Variants in PDE5A observed in about 807,000 individuals in gnomAD.
The protein encoded by PDE5A is cGMP-specific 3',5'-cyclic phosphodiesterase.
Under a neutral mutation model 110.2 loss-of-function variants are expected in PDE5A, and 67 were observed. That is an observed-to-expected ratio of 0.61 (90% CI 0.50 to 0.75). PDE5A has a LOEUF of 0.75. Ranked by LOEUF, PDE5A falls within the 30% of genes least tolerant of loss-of-function variation. The pLI is 0.00. For synonymous variants in PDE5A, 328 were observed against 351.2 expected, an observed-to-expected ratio of 0.93 and a Z score of 0.74; for missense variants, 862 against 1,045.1, an observed-to-expected ratio of 0.82 and a Z score of 2.42.
intron 2 of PDE5A, among the ~76,000 whole-genome samples, chr4:119,599,395 A>G (rs1267471116): frequency 6.6e-6 from 1 of 152,176 alleles, no homozygotes; most frequent in Non-Finnish European, 1.5e-5. Context: ...ACAGATAAGG[A>G]CTTTAAAGCA....
intron 12 of PDE5A, among the ~76,000 whole-genome samples, chr4:119,522,772 T>A (rs1726174645): frequency 1.3e-5 from 2 of 151,716 alleles, no homozygotes; most frequent in African/African-American, 4.8e-5. Context: ...TATGGTCATA[T>A]CTGGTAAGTT....
chr4:119,618,047 T>C (rs1042004916), intron 1 of PDE5A, among the ~76,000 whole-genome samples: 31 of 152,250 alleles, frequency 2.0e-4, no homozygotes, highest in African/African-American at 6.7e-4. Flanking sequence ...TGCATTAATA[T>C]TGACACTGAC....
chr4:119,573,469 C>G (rs118042756), intron 3 of PDE5A, among the ~76,000 whole-genome samples: 2 of 152,156 alleles, frequency 1.3e-5, no homozygotes, highest in Non-Finnish European at 2.9e-5. Context: ...ATTGGCTAAG[C>G]TGGTATCCTC....
chr4:119,504,388 T>C, intron 18 of PDE5A, 148 bp downstream of exon 18: 2 of 582,216 alleles, frequency 3.4e-6, no homozygotes, highest in South Asian at 2.5e-5. Flanking sequence ...ACTTTGCTAT[T>C]ATATAATAAA....
In PDE5A at chr4:119,505,884, C is replaced by G; in HGVS notation, c.2238G>C (p.Leu746Phe). ...FELIRKNQFN[L>F]EDPHQKELFL... is the part of the protein sequence containing the mutation. ...ACAACTCCTTTTGATGAGGATCTTC[C>G]AAATTGAATTGATTTTTTCTTATAA... The change falls in exon 17 of 21, where the codon TTG (leucine) becomes TTC (phenylalanine). Residue 746 changes from leucine (L) to phenylalanine (F), a missense_variant. Physicochemically the swap from Leu to Phe is conservative, Grantham distance 22. Coordinates refer to ENST00000354960, the MANE Select transcript of PDE5A (RefSeq NM_001083.4). 1 of 1,569,710 alleles carries G rather than the reference C, an allele frequency of 6.4e-7. No homozygotes were observed. Among genetic ancestry groups the G allele is most frequent in the Non-Finnish European group, 8.6e-7 (1 of 1,159,054 alleles).
At chr4:119,546,563 T>A (rs1282049943) in intron 9 of PDE5A, among the ~76,000 whole-genome samples, 4 of 152,228 alleles carry the variant, frequency 2.6e-5, no homozygotes, top group South Asian at 2.1e-4. Flanking sequence ...GAAAGGGCAA[T>A]AACCATCAGC....
intron 11 of PDE5A, among the ~76,000 whole-genome samples, chr4:119,528,491 A>G (rs138149400): frequency 5.8e-4 from 89 of 152,250 alleles, no homozygotes; most frequent in African/African-American, 1.9e-3. Flanking sequence ...ATCAACTACC[A>G]TATTTACATT....
At chr4:119,585,773 G>A (rs889523947) in intron 3 of PDE5A, among the ~76,000 whole-genome samples, 1 of 152,108 alleles carries the variant, frequency 6.6e-6, no homozygotes, top group African/African-American at 2.4e-5. Context: ...CAGAACGCCG[G>A]GAAAGTCGTA....
At chr4:119,516,545 G>C (rs1395288526) in intron 14 of PDE5A, among the ~76,000 whole-genome samples, 1 of 152,102 alleles carries the variant, frequency 6.6e-6, no homozygotes, top group African/African-American at 2.4e-5. Context: ...GTTTTCTCTA[G>C]TGGTTGTCTG....
intron 3 of PDE5A, among the ~76,000 whole-genome samples, chr4:119,594,359 C>T (rs1017082246): frequency 1.3e-5 from 2 of 152,118 alleles, no homozygotes; most frequent in Non-Finnish European, 2.9e-5. Flanking sequence ...AATCCCTTTG[C>T]CGGTACAAAG....
Position 119,596,507 on chromosome 4 carries a change from T to G in PDE5A, c.831+16A>C. ...ATATTTCCAATGACCTTTTATAAAA[T>G]GGAAAATTGGCTTACCTCTTCCCTA... On this transcript the variant is annotated intron_variant, in intron 3 of 20. Transcript: ENST00000354960. The G allele has an allele frequency of 7.0e-7, 1 of 1,427,840 alleles. No homozygotes were observed. The highest frequency in any genetic ancestry group is 1.3e-5 in the South Asian group (1 of 74,670). The allele number at this position is 1,427,840 out of a possible 1,614,324, so 88.4% of individuals were successfully genotyped here.
At chr4:119,576,708 G>A (rs61655565) in intron 3 of PDE5A, among the ~76,000 whole-genome samples, 2,284 of 151,974 alleles carry the variant, frequency 0.015, 60 homozygotes, top group African/African-American at 0.052. Context: ...GGAAATTTAT[G>A]GCACTAAATG....
chr4:119,539,277 C>T (rs1389432245), intron 10 of PDE5A, among the ~76,000 whole-genome samples: 2 of 151,748 alleles, frequency 1.3e-5, no homozygotes, highest in Non-Finnish European at 2.9e-5. Flanking sequence ...ATTGCTATAA[C>T]AAACACATTA....
intron 3 of PDE5A, among the ~76,000 whole-genome samples, chr4:119,579,150 C>T (rs1188105748): frequency 2.6e-5 from 4 of 152,064 alleles, no homozygotes; most frequent in Non-Finnish European, 5.9e-5. Context: ...TACCATCTCA[C>T]ACCAGTTAGA....
chr4:119,607,211 G>C lies in PDE5A; in HGVS notation c.239C>G (p.Ser80Cys). 1 of 1,614,164 alleles carries C rather than the reference G, an allele frequency of 6.2e-7. No individual in the cohort carries two copies. ...EGIRGHTESC[S>C]CPLQQSPRAD... ...ACGAGGACTCTGCTGCAAGGGACAAGAGCAAGATTCGGTGTGGCCTCTGAT... is the reference window on the plus strand; with the variant it reads ...ACGAGGACTCTGCTGCAAGGGACAACAGCAAGATTCGGTGTGGCCTCTGAT... The change falls in exon 2 of 21, where the codon TCT becomes TGT. Residue 80 changes from serine (S) to cysteine (C), a missense_variant. Ser to Cys is a moderately radical substitution (Grantham distance 112). Coordinates refer to ENST00000354960, the MANE Select transcript of PDE5A (RefSeq NM_001083.4).
chr4:119,553,121 C>G (rs1320310710), intron 8 of PDE5A, among the ~76,000 whole-genome samples: 1 of 151,998 alleles, frequency 6.6e-6, no homozygotes, highest in Non-Finnish European at 1.5e-5. Flanking sequence ...ATAACAAAAT[C>G]AAGGCAGCTG....
chr4:119,510,620 A>T (rs1481853462), intron 15 of PDE5A, among the ~76,000 whole-genome samples: 1 of 152,110 alleles, frequency 6.6e-6, no homozygotes, highest in African/African-American at 2.4e-5. Context: ...TTCACCAAGT[A>T]GTTAAATAGC....
intron 1 of PDE5A, among the ~76,000 whole-genome samples, chr4:119,621,033 C>T (rs750853906): frequency 2.7e-4 from 41 of 152,186 alleles, no homozygotes; most frequent in Non-Finnish European, 4.0e-4. Context: ...TGTAAATCTG[C>T]ATTTGGCTGT....
chr4:119,569,180 G>A (rs1728051473), intron 3 of PDE5A, among the ~76,000 whole-genome samples: 1 of 151,806 alleles, frequency 6.6e-6, no homozygotes, highest in Admixed American at 6.6e-5. Context: ...CTACTTGGAA[G>A]GCATGTACTA....
Sources: gnomAD v4.1 joint callset for allele counts (sites outside exome capture counted in the v4.1 genomes callset) on GRCh38, gnomAD v4.1.1 for gene constraint, MANE v1.5 for transcripts, NCBI Gene and HGNC (gene_info 2026-07-23, HGNC 2026-07-21) for gene names.